The following PAX9 variants were observed in gnomAD, a reference collection of about 807,000 sequenced individuals.
PAX9 encodes paired box protein Pax-9.
In PAX9, 6 loss-of-function variants were observed where a neutral mutation model predicts 29.1. That is an observed-to-expected ratio of 0.21 (90% CI 0.11 to 0.41). PAX9 has a LOEUF of 0.41. PAX9 is among the 10% of genes least tolerant of loss of function. PAX9 has a pLI of 1.00. For synonymous variants in PAX9, 217 were observed against 211.7 expected (o/e 1.03, Z -0.22); for missense variants, 443 against 479.1 (o/e 0.92, Z 0.70).
At position 36,678,711 on chromosome 14, in the gene PAX9, A is replaced by G; in HGVS notation, c.*2259A>G. 2 of 1,220,440 alleles carry G rather than the reference A, an allele frequency of 1.6e-6. No individual in the cohort carries two copies. Among genetic ancestry groups the G allele is most frequent in the Non-Finnish European group, 2.0e-6 (2 of 976,946 alleles). 75.6% of individuals were successfully genotyped at this position (1,220,440 alleles called of 1,614,324 possible). A position where few individuals can be genotyped will look rare whatever the true frequency, so the allele number is the denominator to read the frequency against. ...AAATAATGTTATTTTCTTTATCTAA[A>G]TTAAGAAATCTCTTGTTATTGTGCT... On this transcript the variant is annotated 3_prime_UTR_variant, in exon 4 of 4. Transcript: ENST00000361487.
intron 3 of PAX9, among the ~76,000 whole-genome samples, chr14:36,671,302 C>T (rs1881684885): frequency 6.6e-6 from 1 of 152,060 alleles, no homozygotes; most frequent in Admixed American, 6.5e-5. Context: ...CCTCTAACTG[C>T]CAGACATTTG....
chr14:36,671,945 T>G (rs1427309725), intron 3 of PAX9: 1 of 152,208 alleles, frequency 6.6e-6, no homozygotes, highest in African/African-American at 2.4e-5. Context: ...TAGTCTATTT[T>G]GCTTTGTATT....
At chr14:36,663,545 G>A (rs774895762) in intron 2 of PAX9, 22 bp downstream of exon 2, 5 of 1,612,260 alleles carry the variant, frequency 3.1e-6, no homozygotes, top group African/African-American at 1.3e-5. Flanking sequence ...GAGGCTGGGC[G>A]TGTGGATGTG....
Position 36,677,051 on chromosome 14 carries a change from T to A in PAX9, c.*599T>A. On this transcript the variant is annotated 3_prime_UTR_variant, in exon 4 of 4. Transcript: ENST00000361487. ...CCCAAGCAATATCTGAATCTAGCTC[T>A]CCCTGGTGTTTTGACTTGGTTCCAA... The A allele has an allele frequency of 6.3e-6, 1 of 159,256 alleles. No homozygotes were observed. The highest frequency in any genetic ancestry group is 5.9e-5 in the Admixed American group (1 of 17,024). 9.9% of individuals were successfully genotyped at this position (159,256 alleles called of 1,614,324 possible). A position where few individuals can be genotyped will look rare whatever the true frequency, so the allele number is the denominator to read the frequency against.
upstream of PAX9, among the ~76,000 whole-genome samples, chr14:36,659,038 G>T (rs1881153165): frequency 6.6e-6 from 1 of 152,230 alleles, no homozygotes; most frequent in Non-Finnish European, 1.5e-5. Context: ...TATCCAGAGA[G>T]CGAGTCGCCC....
At chr14:36,658,696 G>A (rs369667833), upstream of PAX9, 4 of 152,258 alleles carry the variant, frequency 2.6e-5, no homozygotes, top group East Asian at 7.7e-4. Context: ...GCTTCTCCGC[G>A]TCTCTCCGCG....
At chr14:36,659,564 A>G (rs564681078), upstream of PAX9, among the ~76,000 whole-genome samples, 1 of 152,322 alleles carries the variant, frequency 6.6e-6, no homozygotes, top group East Asian at 1.9e-4. Context: ...GAGAATGCCA[A>G]GAGCACCCAG....
In PAX9 at chr14:36,671,211, C is replaced by T. The variant is rs538559920; in HGVS notation, c.771+4610C>T. On this transcript the variant is annotated intron_variant, in intron 3 of 3. Coordinates refer to ENST00000361487, the MANE Select transcript of PAX9 (RefSeq NM_001372076.1). ...GTGAAAGCAGATTGTGGGTAGAGGA[C>T]CTGGCACTGTTATTTGCATTTATCT... The T allele has an allele frequency of 4.6e-5, 12 of 259,370 alleles. No homozygotes were observed. In the East Asian group the frequency reaches 1.4e-3, roughly 31 times the overall value. 16.1% of individuals were successfully genotyped at this position (259,370 alleles called of 1,614,324 possible).
upstream of PAX9, among the ~76,000 whole-genome samples, chr14:36,659,956 C>A (rs1210716375): frequency 6.6e-6 from 1 of 152,182 alleles, no homozygotes; most frequent in Non-Finnish European, 1.5e-5. Flanking sequence ...CATCCTTGTA[C>A]CCGCCTAGCA....
chr14:36,673,530 C>G (rs561969004), intron 3 of PAX9, among the ~76,000 whole-genome samples: 311 of 152,106 alleles, frequency 2.0e-3, no homozygotes, highest in African/African-American at 6.1e-3. Context: ...GGCCATCTTC[C>G]AAGTGGGTCC....
At chr14:36,658,726 A>G (rs1310448370), upstream of PAX9, 2 of 152,232 alleles carry the variant, frequency 1.3e-5, no homozygotes, top group African/African-American at 4.8e-5. Context: ...AGCGCCGGGA[A>G]GGGGGCGCCG....
rs1436515997 is a variant in PAX9 at position 36,677,749 on chromosome 14, A to G, written c.*1297A>G. 1 of 152,256 alleles carries G rather than the reference A, an allele frequency of 6.6e-6. No individual in the cohort carries two copies. The highest frequency in any genetic ancestry group is 1.9e-4 in the East Asian group (1 of 5,202). 9.4% of individuals were successfully genotyped at this position (152,256 alleles called of 1,614,324 possible). Reference sequence around the variant, plus strand: ...GGTACTAGAAATACAATGTTATTTAATTTTAACAAATTCCCTTTATTCATT... The same window carrying G: ...GGTACTAGAAATACAATGTTATTTAGTTTTAACAAATTCCCTTTATTCATT... On this transcript the variant is annotated 3_prime_UTR_variant, in exon 4 of 4. Transcript: ENST00000361487.
At chr14:36,660,893 G>A (rs868712761), upstream of PAX9, among the ~76,000 whole-genome samples, 1 of 152,254 alleles carries the variant, frequency 6.6e-6, no homozygotes, top group Non-Finnish European at 1.5e-5. Flanking sequence ...CAGAACGACA[G>A]GGCCTCTGGA....
intron 3 of PAX9, among the ~76,000 whole-genome samples, chr14:36,672,959 G>A (rs1316695550): frequency 7.1e-6 from 1 of 140,734 alleles, no homozygotes; most frequent in Non-Finnish European, 1.5e-5. Context: ...TCCGACTCCC[G>A]GGTTCAAGCA....
intron 3 of PAX9, among the ~76,000 whole-genome samples, chr14:36,675,664 T>C (rs1281826190): frequency 1.3e-5 from 2 of 152,250 alleles, no homozygotes; most frequent in African/African-American, 4.8e-5. Context: ...CAATATGATC[T>C]CTTAAAATAT....
upstream of PAX9, chr14:36,658,700 C>T (rs908754482): frequency 5.9e-5 from 9 of 152,272 alleles, no homozygotes; most frequent in Non-Finnish European, 1.3e-4. Context: ...CTCCGCGTCT[C>T]TCCGCGGGCC....
At chr14:36,661,195 G>A (rs943102947), upstream of PAX9, among the ~76,000 whole-genome samples, 1 of 152,358 alleles carries the variant, frequency 6.6e-6, no homozygotes, top group Non-Finnish European at 1.5e-5. Context: ...CCCGTGCCTC[G>A]AGCCTGTGTG....
In PAX9 at chr14:36,676,995, T is replaced by G. The variant is rs536567459; in HGVS notation, c.*543T>G. 6.0e-6 allele frequency: 1 copy of G among 167,010 alleles called. No individual in the cohort carries two copies. Among genetic ancestry groups the G allele is most frequent in the South Asian group, 1.5e-4 (1 of 6,694 alleles). 10.3% of individuals were successfully genotyped at this position (167,010 alleles called of 1,614,324 possible). A position where few individuals can be genotyped will look rare whatever the true frequency, so the allele number is the denominator to read the frequency against. ...TTTGAGTGATCCTTTGTTTAAGACA[T>G]GACCTATTTTGTTGAAAAATATATG... On this transcript the variant is annotated 3_prime_UTR_variant, in exon 4 of 4. Transcript: ENST00000361487.
At chr14:36,657,706 C>G (rs1881081363), upstream of PAX9, 1 of 152,236 alleles carries the variant, frequency 6.6e-6, no homozygotes. Context: ...TCGGGCCCGA[C>G]CCAACCCGCT....
Sources: gnomAD v4.1 joint callset for allele counts (sites outside exome capture counted in the v4.1 genomes callset) on GRCh38, gnomAD v4.1.1 for gene constraint, MANE v1.5 for transcripts, NCBI Gene and HGNC (gene_info 2026-07-23, HGNC 2026-07-21) for gene names.